Variants in RC3H2 observed in about 807,000 individuals in gnomAD.
RC3H2 encodes ring finger and CCCH-type domains 2, also known as roquin-2.
RC3H2 carries 31 observed loss-of-function variants against 133.3 expected under a neutral mutation model. The observed-to-expected ratio is 0.23, with a 90% CI of 0.17 to 0.31. The LOEUF is 0.31. RC3H2 is among the 10% of genes least tolerant of loss of function. The pLI is 1.00. For synonymous variants in RC3H2, 517 were observed against 502.2 expected, an observed-to-expected ratio of 1.03 and a Z score of -0.40; for missense variants, 1,175 against 1,437.2, an observed-to-expected ratio of 0.82 and a Z score of 2.95.
At chr9:122,882,157 C>T (rs1161206497) in intron 5 of RC3H2, among the ~76,000 whole-genome samples, 1 of 152,152 alleles carries the variant, frequency 6.6e-6, no homozygotes, top group Non-Finnish European at 1.5e-5. Flanking sequence ...ATTTACATAG[C>T]TTTAATTTCT....
chr9:122,854,498 T>C, intron 16 of RC3H2, 33 bp downstream of exon 16: 1 of 1,510,572 alleles, frequency 6.6e-7, no homozygotes, highest in Non-Finnish European at 9.2e-7. Flanking sequence ...AGTCTGAGAA[T>C]GGAGAATCAT....
At chr9:122,898,873 G>C (rs143151577) in intron 1 of RC3H2, among the ~76,000 whole-genome samples, 1 of 151,632 alleles carries the variant, frequency 6.6e-6, no homozygotes, top group Non-Finnish European at 1.5e-5. Flanking sequence ...CTTAACATAA[G>C]TCTGACAAAA....
intron 2 of RC3H2, among the ~76,000 whole-genome samples, chr9:122,894,026 G>A (rs577084260): frequency 6.6e-6 from 1 of 152,206 alleles, no homozygotes; most frequent in South Asian, 2.1e-4. Context: ...TTGGGAGGCC[G>A]AGGCAGGCGG....
Position 122,885,034 on chromosome 9 carries a change from TA to T in RC3H2, c.584-1656del, listed in dbSNP as rs142442777. Among the ~76,000 whole-genome samples, 1,386 of 152,188 alleles carry T rather than the reference TA, an allele frequency of 9.1e-3. 17 individuals are homozygous for T. The highest frequency in any genetic ancestry group is 0.011 in the Non-Finnish European group (719 of 68,022). ...GGATCTCACACTTGAATAAATACTATAAAAGATATTTTTGGAATAGTTGACA... is the reference window on the plus strand; with the variant it reads ...GGATCTCACACTTGAATAAATACTATAAAGATATTTTTGGAATAGTTGACA... On this transcript the variant is annotated intron_variant, in intron 4 of 20. Coordinates refer to ENST00000357244, the MANE Select transcript of RC3H2 (RefSeq NM_001100588.3).
At chr9:122,879,450 G>GA (rs1046173020) in intron 8 of RC3H2, among the ~76,000 whole-genome samples, 4 of 151,214 alleles carry the variant, frequency 2.6e-5, no homozygotes, top group African/African-American at 4.9e-5. Flanking sequence ...ATTCAATACA[G>GA]AAAAAAAATG....
At chr9:122,894,350 T>C (rs1461514030) in intron 2 of RC3H2, among the ~76,000 whole-genome samples, 2 of 152,184 alleles carry the variant, frequency 1.3e-5, no homozygotes, top group Non-Finnish European at 1.5e-5. Flanking sequence ...ACCAGGGATA[T>C]ATCAATGAGC....
intron 18 of RC3H2, among the ~76,000 whole-genome samples, chr9:122,852,864 A>ACCC (rs1830103475): frequency 6.6e-6 from 1 of 151,158 alleles, no homozygotes; most frequent in Non-Finnish European, 1.5e-5. Context: ...CCCAGCCACC[A>ACCC]CCCCGTCTGG....
In RC3H2 at chr9:122,905,159, G is replaced by A. The variant is rs761381015; in HGVS notation, c.-117C>T. On this transcript the variant is annotated 5_prime_UTR_variant, in exon 1 of 21. Coordinates refer to ENST00000357244, the MANE Select transcript of RC3H2 (RefSeq NM_001100588.3). ...TAAGGGCCGCTCCCGGGAGCCCCGC[G>A]ACGGCGCGGCTTGGCGACGGAGGCG... is the stretch of plus-strand genomic sequence containing the variant. 2.1e-5 allele frequency: 21 copies of A among 985,348 alleles called. No homozygotes were observed. Among genetic ancestry groups the A allele is most frequent in the Non-Finnish European group, 2.4e-5 (20 of 829,962 alleles). 61.0% of individuals were successfully genotyped at this position (985,348 alleles called of 1,614,324 possible).
rs746217564 is a variant in RC3H2 at position 122,875,481 on chromosome 9, T to TC, written c.1325+1989_1325+1990insG. 4.7e-5 allele frequency: 64 copies of TC among 1,363,962 alleles called. No individual in the cohort carries two copies. The East Asian group carries it at 8.4e-4, about 18-fold the overall frequency. The allele number at this position is 1,363,962 out of a possible 1,614,324, so 84.5% of individuals were successfully genotyped here. ...CCAATTTATGCATTGTCTGTGGCTG[T>TC]TTTTTTGCTACAGTGGCACTGCTGA... On this transcript the variant is annotated intron_variant, in intron 9 of 20. Coordinates refer to ENST00000357244, the MANE Select transcript of RC3H2 (RefSeq NM_001100588.3).
chr9:122,865,937 G>A (rs574647214), intron 9 of RC3H2, among the ~76,000 whole-genome samples: 2 of 151,926 alleles, frequency 1.3e-5, no homozygotes, highest in African/African-American at 4.8e-5. Context: ...GTCCAAGAAT[G>A]TATTCAAAAA....
chr9:122,870,751 T>C (rs1831050404), intron 9 of RC3H2, among the ~76,000 whole-genome samples: 5 of 152,174 alleles, frequency 3.3e-5, no homozygotes, highest in Admixed American at 3.3e-4. Context: ...TTACCCATCT[T>C]AGAATCCACT....
chr9:122,901,692 T>C (rs890183021), intron 1 of RC3H2, among the ~76,000 whole-genome samples: 1 of 142,486 alleles, frequency 7.0e-6, no homozygotes, highest in African/African-American at 2.6e-5. Context: ...CCCGGTTTCA[T>C]ACGATTCTCC....
rs1401893157 is a variant in RC3H2 at position 122,848,028 on chromosome 9, C to T, written c.*1599G>A. ...CAGGGAAATGTCAACCCTCCCGCCC[C>T]TGGAAATGTGCACAAAACTTTTTAT... is the stretch of plus-strand genomic sequence containing the variant. On this transcript the variant is annotated 3_prime_UTR_variant, in exon 21 of 21. Transcript: ENST00000357244. 6.6e-6 allele frequency: 1 copy of T among 152,114 alleles called. No homozygotes were observed. Among genetic ancestry groups the T allele is most frequent in the African/African-American group, 2.4e-5 (1 of 41,436 alleles). 9.4% of individuals were successfully genotyped at this position (152,114 alleles called of 1,614,324 possible). A position where few individuals can be genotyped will look rare whatever the true frequency, so the allele number is the denominator to read the frequency against.
intron 9 of RC3H2, among the ~76,000 whole-genome samples, chr9:122,872,591 T>A (rs1370631629): frequency 3.9e-5 from 6 of 152,204 alleles, no homozygotes. Context: ...TATATAATAA[T>A]CTTTTATAAC....
intron 9 of RC3H2, among the ~76,000 whole-genome samples, chr9:122,869,986 G>A (rs1201951149): frequency 6.6e-6 from 1 of 152,160 alleles, no homozygotes; most frequent in African/African-American, 2.4e-5. Flanking sequence ...AGATCCCTAT[G>A]CCTTCCTCCA....
chr9:122,900,604 A>G (rs1038764603), intron 1 of RC3H2, among the ~76,000 whole-genome samples: 7 of 152,164 alleles, frequency 4.6e-5, no homozygotes, highest in African/African-American at 1.7e-4. Flanking sequence ...ACTACATATT[A>G]ATTTGCAAAA....
Position 122,847,706 on chromosome 9 carries a change from G to C in RC3H2, c.*1921C>G, listed in dbSNP as rs1829899292. 6.6e-6 allele frequency: 1 copy of C among 152,082 alleles called. No individual in the cohort carries two copies. The highest frequency in any genetic ancestry group is 2.1e-4 in the South Asian group (1 of 4,820). The allele number at this position is 152,082 out of a possible 1,614,324, so 9.4% of individuals were successfully genotyped here. A position where few individuals can be genotyped will look rare whatever the true frequency, so the allele number is the denominator to read the frequency against. On this transcript the variant is annotated 3_prime_UTR_variant, in exon 21 of 21. Coordinates refer to ENST00000357244, the MANE Select transcript of RC3H2 (RefSeq NM_001100588.3). ...TTGTTCCTATTCATTTCAGGTTACA[G>C]AGTGAAATAAATAAAATGTCTTCAT...
chr9:122,902,078 C>T (rs1287177098), intron 1 of RC3H2, among the ~76,000 whole-genome samples: 5 of 152,020 alleles, frequency 3.3e-5, no homozygotes, highest in South Asian at 2.1e-4. Flanking sequence ...TACAGGCATG[C>T]GCCACCAGGC....
intron 18 of RC3H2, among the ~76,000 whole-genome samples, chr9:122,851,914 G>A (rs545504600): frequency 1.2e-3 from 189 of 152,210 alleles, no homozygotes; most frequent in African/African-American, 3.8e-3. Flanking sequence ...CTGCCCGGCC[G>A]CCACCCCGTC....
Sources: gnomAD v4.1 joint callset for allele counts (sites outside exome capture counted in the v4.1 genomes callset) on GRCh38, gnomAD v4.1.1 for gene constraint, MANE v1.5 for transcripts, NCBI Gene and HGNC (gene_info 2026-07-23, HGNC 2026-07-21) for gene names.